Variants in ZNF217 observed in about 807,000 individuals in gnomAD.
ZNF217 encodes the protein zinc finger protein 217.
A neutral mutation model predicts 73.3 loss-of-function variants in ZNF217; 12 were observed. The ratio of observed to expected loss-of-function variants is 0.16; its 90% CI spans 0.10 to 0.27. ZNF217 has a LOEUF of 0.27. ZNF217 is among the 10% of genes least tolerant of loss of function. ZNF217 has a pLI of 1.00. For synonymous variants in ZNF217, 588 were observed against 516.4 expected (o/e 1.14, Z -1.88); for missense variants, 1,195 against 1,327.8 (o/e 0.90, Z 1.55).
In ZNF217 at chr20:53,577,833, C is replaced by T. The variant is rs544925486; in HGVS notation, c.1483+501G>A. On this transcript the variant is annotated intron_variant, in intron 3 of 5. Transcript: ENST00000371471. ...AACTTTGTCCGGGCGCGGTGGCTCA[C>T]GCCTGTAATCCCAGCACTATGGGAG... Among the ~76,000 whole-genome samples, 5 of 152,346 alleles carry T rather than the reference C, an allele frequency of 3.3e-5. No homozygotes were observed. The East Asian group carries it at 5.8e-4, about 18-fold the overall frequency.
Position 53,576,806 on chromosome 20 carries a change from C to T in ZNF217, c.1958G>A (p.Gly653Asp). ...AACTTCAAGGTTATGGGTGGTACTG[C>T]CATCCGGAGGAGGAGTAACATCCGC... The part of the protein sequence containing the change: ...TKADVTPPPD[G>D]STTHNLEVSP... The change falls in exon 4 of 6, where the codon GGC (glycine) becomes GAC (aspartate). Residue 653 changes from glycine to aspartate, a missense_variant. This residue lies in a region of ZNF217 where 649 missense variants were observed against 642.8 expected (regional missense o/e 1.01). Coordinates refer to ENST00000371471, the MANE Select transcript of ZNF217 (RefSeq NM_006526.3). 6.2e-7 allele frequency: 1 copy of T among 1,614,196 alleles called. No individual in the cohort carries two copies. Among genetic ancestry groups the T allele is most frequent in the Admixed American group, 1.7e-5 (1 of 60,024 alleles).
At position 53,582,664 on chromosome 20, in the gene ZNF217, T is replaced by G; in HGVS notation, c.163A>C (p.Asn55His). ...VVPFRATQEK[N>H]VIQIEGYMPL... The stretch of plus-strand genomic sequence containing the variant: ...ATATACCCCTCGATTTGGATGACAT[T>G]TTTTTCTTGTGTAGCTCGGAATGGA... Residue 55 changes from asparagine (N) to histidine (H), a missense_variant, in exon 2 of 6, where the codon AAT (asparagine) becomes CAT (histidine). By Grantham distance (68) the Asn-to-His change is moderately conservative (BLOSUM62 1). This residue lies in a region of ZNF217 where 147 missense variants were observed against 184.3 expected (regional missense o/e 0.80). Transcript: ENST00000371471. The surrounding 1 kb of genome is among the most constrained non-coding windows in gnomAD (Gnocchi z 4.8). The G allele has an allele frequency of 6.2e-7, 1 of 1,614,116 alleles. No individual in the cohort carries two copies. Among genetic ancestry groups the G allele is most frequent in the Non-Finnish European group, 8.5e-7 (1 of 1,180,006 alleles).
Position 53,576,548 on chromosome 20 carries a change from A to G in ZNF217, c.2216T>C (p.Val739Ala). 6.2e-7 allele frequency: 1 copy of G among 1,614,192 alleles called. No individual in the cohort carries two copies. The highest frequency in any genetic ancestry group is 8.5e-7 in the Non-Finnish European group (1 of 1,180,030). Residue 739 changes from valine (V) to alanine (A), a missense_variant, in exon 4 of 6, where the codon GTT becomes GCT. Physicochemically the swap from Val to Ala is moderately conservative, Grantham distance 64. Around this residue, in one of 9 missense-constraint regions of ZNF217, gnomAD observed 649 missense variants for 642.8 expected, o/e 1.01. Transcript: ENST00000371471. ...GGACTTGTTTCGACAGTTTTTATGA[A>G]CGTCAGGATTGTATTTATGCTCCAG... ...QRLEHKYNPD[V>A]HKNCRNKSLL...
In ZNF217 at chr20:53,576,245, T is replaced by C. The variant is rs749696258; in HGVS notation, c.2519A>G (p.Glu840Gly). The C allele has an allele frequency of 5.6e-6, 9 of 1,614,108 alleles. No individual in the cohort carries two copies. The highest frequency in any genetic ancestry group is 1.3e-5 in the African/African-American group (1 of 74,932). Residue 840 changes from glutamate (E) to glycine (G), a missense_variant, in exon 4 of 6, where the codon GAG (glutamate) becomes GGG (glycine). Glu to Gly is a moderately conservative substitution (Grantham distance 98). This residue lies in a region of ZNF217 where 649 missense variants were observed against 642.8 expected (regional missense o/e 1.01). Transcript: ENST00000371471. ...GGAAACACTGGTTTTAGGAAACATCTCAGATTGCTGTTGCCTGGTGGCGGC... is the reference window on the plus strand; with the variant it reads ...GGAAACACTGGTTTTAGGAAACATCCCAGATTGCTGTTGCCTGGTGGCGGC... ...QGAATRQQQSEMFPKTSVSPA... is the reference protein window; with the variant it reads ...QGAATRQQQSGMFPKTSVSPA...
Position 53,576,832 on chromosome 20 carries a change from C to T in ZNF217, c.1932G>A (p.Lys644=), listed in dbSNP as rs140823328. 6.2e-7 allele frequency: 1 copy of T among 1,614,202 alleles called. No individual in the cohort carries two copies. The highest frequency in any genetic ancestry group is 8.5e-7 in the Non-Finnish European group (1 of 1,180,044). ...TQANNLICRT[K]ADVTPPPDGS... ...CATCCGGAGGAGGAGTAACATCCGC[C>T]TTGGTTCTACAGATGAGGTTATTTG... Residue 644 remains lysine, a synonymous_variant, in exon 4 of 6, where the codon AAG becomes AAA. Coordinates refer to ENST00000371471, the MANE Select transcript of ZNF217 (RefSeq NM_006526.3).
rs1204288707 is a variant in ZNF217, at chr20:53,567,331, A to G, written c.*1957T>C. ...AGTTAATACTGATGGACACAAAAAC[A>G]TATTTTGAAGTACAAAGGGCTGTAG... On this transcript the variant is annotated 3_prime_UTR_variant, in exon 6 of 6. Coordinates refer to ENST00000371471, the MANE Select transcript of ZNF217 (RefSeq NM_006526.3). 6.6e-6 allele frequency: 1 copy of G among 152,660 alleles called. No individual in the cohort carries two copies. The highest frequency in any genetic ancestry group is 1.5e-5 in the Non-Finnish European group (1 of 68,042). The allele number at this position is 152,660 out of a possible 1,614,324, so 9.5% of individuals were successfully genotyped here.
chr20:53,597,167 T>C, upstream of ZNF217, among the ~76,000 whole-genome samples: 1 of 152,156 alleles, frequency 6.6e-6, no homozygotes, highest in Non-Finnish European at 1.5e-5. Context: ...AGACTCAGCC[T>C]TAATTAGAAG....
intron 2 of ZNF217, among the ~76,000 whole-genome samples, chr20:53,579,335 T>TGG (rs1988400234): frequency 6.6e-6 from 1 of 152,160 alleles, no homozygotes; most frequent in African/African-American, 2.4e-5. Flanking sequence ...ACTATCCACC[T>TGG]GTAAGACAGA....
Position 53,571,859 on chromosome 20 carries a change from T to C in ZNF217, c.3038-6A>G. 6.4e-7 allele frequency: 1 copy of C among 1,574,796 alleles called. No individual in the cohort carries two copies. The highest frequency in any genetic ancestry group is 2.0e-5 in the Admixed American group (1 of 49,888). ...ATATGACACAGGCCTTTTTCCTGAT[T>C]GAAAAAAAAAACATATTTAGAGTTA... On this transcript the variant is annotated splice_polypyrimidine_tract_variant and splice_region_variant and intron_variant, in intron 4 of 5. Coordinates refer to ENST00000371471, the MANE Select transcript of ZNF217 (RefSeq NM_006526.3).
At position 53,581,746 on chromosome 20, in the gene ZNF217, C is replaced by A; in HGVS notation, c.1081G>T (p.Val361Leu). ...CTGGGTAACTTGGGATCCGCGTCCACGGAGGGCGCTTCGCCGTGGGAGTGT... is the reference window on the plus strand; with the variant it reads ...CTGGGTAACTTGGGATCCGCGTCCAAGGAGGGCGCTTCGCCGTGGGAGTGT... Reference protein sequence around the residue: ...CKHSHGEAPSVDADPKLPSSK... With the variant: ...CKHSHGEAPSLDADPKLPSSK... Residue 361 changes from valine (V) to leucine (L), a missense_variant, in exon 2 of 6, where the codon GTG (valine) becomes TTG (leucine). Around this residue, in one of 9 missense-constraint regions of ZNF217, gnomAD observed 102 missense variants for 91.9 expected, o/e 1.11. Coordinates refer to ENST00000371471, the MANE Select transcript of ZNF217 (RefSeq NM_006526.3). The surrounding 1 kb of genome is among the most constrained non-coding windows in gnomAD (Gnocchi z 4.9). 2 of 1,614,252 alleles carry A rather than the reference C, an allele frequency of 1.2e-6. No individual in the cohort carries two copies. The highest frequency in any genetic ancestry group is 1.7e-6 in the Non-Finnish European group (2 of 1,180,038).
chr20:53,585,804 G>T (rs1002160216), intron 1 of ZNF217, among the ~76,000 whole-genome samples: 29 of 152,136 alleles, frequency 1.9e-4, no homozygotes, highest in African/African-American at 6.0e-4. Context: ...TGAACAGCCT[G>T]GGAGACCTGG....
At chr20:53,596,811 G>A (rs1254773118), upstream of ZNF217, among the ~76,000 whole-genome samples, 1 of 151,634 alleles carries the variant, frequency 6.6e-6, no homozygotes, top group Non-Finnish European at 1.5e-5. Flanking sequence ...ACAAAGAATG[G>A]AACCAAAAGA....
chr20:53,582,737 A>G lies in ZNF217; in HGVS notation c.90T>C (p.Ser30=). 1 of 1,614,110 alleles carries G rather than the reference A, an allele frequency of 6.2e-7. No individual in the cohort carries two copies. The highest frequency in any genetic ancestry group is 8.5e-7 in the Non-Finnish European group (1 of 1,180,024). Residue 30 remains serine (S), a synonymous_variant, in exon 2 of 6, where the codon AGT becomes AGC. Coordinates refer to ENST00000371471, the MANE Select transcript of ZNF217 (RefSeq NM_006526.3). The surrounding 1 kb of genome is among the most constrained non-coding windows in gnomAD (Gnocchi z 4.8). ...ACAAGGCATCCTCCATCTCCATCGGACTGCCAAGAGAGCTGCCAATCACTT... is the reference window on the plus strand; with the variant it reads ...ACAAGGCATCCTCCATCTCCATCGGGCTGCCAAGAGAGCTGCCAATCACTT... ...GPEVIGSSLG[S]PMEMEDALSM...
Position 53,576,444 on chromosome 20 carries a change from G to A in ZNF217, c.2320C>T (p.Pro774Ser), listed in dbSNP as rs1420092780. The part of the protein sequence containing the change: ...DVPPLSSFCK[P>S]KPKSAFPAQS... ...GCCGGGAAAGCAGACTTGGGCTTGG[G>A]TTTACAGAAACTAGAGAGGGGAGGC... Residue 774 changes from proline (P) to serine (S), a missense_variant, in exon 4 of 6, where the codon CCC becomes TCC. By Grantham distance (74) the Pro-to-Ser change is moderately conservative. This residue lies in a region of ZNF217 where 649 missense variants were observed against 642.8 expected (regional missense o/e 1.01). Coordinates refer to ENST00000371471, the MANE Select transcript of ZNF217 (RefSeq NM_006526.3). The A allele has an allele frequency of 1.1e-5, 17 of 1,614,092 alleles. No individual in the cohort carries two copies. Among genetic ancestry groups the A allele is most frequent in the Non-Finnish European group, 1.4e-5 (16 of 1,180,018 alleles).
At chr20:53,584,028 C>G (rs1988604425) in intron 1 of ZNF217, among the ~76,000 whole-genome samples, 1 of 152,188 alleles carries the variant, frequency 6.6e-6, no homozygotes, top group African/African-American at 2.4e-5. Context: ...AAAATGGGCC[C>G]TCTCATTTTT....
In ZNF217 at chr20:53,581,552, G is replaced by A. The variant is rs150335718; in HGVS notation, c.1275C>T (p.Ala425=). Residue 425 remains alanine, a synonymous_variant, in exon 2 of 6, where the codon GCC becomes GCT. Transcript: ENST00000371471. The surrounding 1 kb of genome is among the most constrained non-coding windows in gnomAD (Gnocchi z 4.9). ...CGGCTCCATTTTCATCCAGAGGGGC[G>A]GCGAGGTCAGGAGAACACGTCCCCG... The part of the protein sequence containing the change: ...RQPGTCSPDL[A]APLDENGAVD... 330 of 1,614,194 alleles carry A rather than the reference G, an allele frequency of 2.0e-4. 1 individual carries two copies. In the African/African-American group the frequency reaches 3.9e-3, roughly 19 times the overall value.
chr20:53,570,622 T>C (rs181568691), intron 5 of ZNF217: 67 of 152,670 alleles, frequency 4.4e-4, no homozygotes, highest in South Asian at 2.1e-4. Context: ...AAAACCAACA[T>C]GCATAATTCT....
chr20:53,594,018 T>G (rs1315148085), upstream of ZNF217, among the ~76,000 whole-genome samples: 4 of 150,246 alleles, frequency 2.7e-5, no homozygotes, highest in South Asian at 8.4e-4. Context: ...AGGAGCCTAG[T>G]GCCTTCGCGC....
intron 2 of ZNF217, among the ~76,000 whole-genome samples, chr20:53,580,542 C>T (rs1056185471): frequency 6.6e-6 from 1 of 152,210 alleles, no homozygotes; most frequent in African/African-American, 2.4e-5. Flanking sequence ...GGGCGCAACT[C>T]CAAACACAGG....
Sources: allele counts gnomAD v4.1 joint callset (sites outside exome capture counted in the v4.1 genomes callset), GRCh38; gene constraint gnomAD v4.1.1; regional missense constraint gnomAD v4.1.1; non-coding constraint Gnocchi (gnomAD v3.1); transcripts MANE v1.5; gene names NCBI Gene and HGNC (gene_info 2026-07-23, HGNC 2026-07-21).